RBM47: variants seen among roughly 807,000 people sequenced by gnomAD.
RBM47 encodes the protein RNA-binding protein 47.
In RBM47, 21 loss-of-function variants were observed where a neutral mutation model predicts 47.1. The ratio of observed to expected loss-of-function variants is 0.45; its 90% CI spans 0.32 to 0.64. RBM47 has a LOEUF of 0.64. Among genes scored for constraint, RBM47 ranks in the 30% least tolerant of loss-of-function variants. The pLI is 0.05. For synonymous variants in RBM47, 375 were observed against 361.7 expected (o/e 1.04, Z -0.42); for missense variants, 708 against 870.9 (o/e 0.81, Z 2.35).
chr4:40,558,972 T>C (rs1024237771), intron 1 of RBM47, among the ~76,000 whole-genome samples: 1 of 152,054 alleles, frequency 6.6e-6, no homozygotes, highest in Admixed American at 6.6e-5. Flanking sequence ...CCAGCCTGGG[T>C]GACAGAGTGA....
At chr4:40,448,171 G>C (rs1714840854) in intron 3 of RBM47, among the ~76,000 whole-genome samples, 2 of 152,168 alleles carry the variant, frequency 1.3e-5, no homozygotes, top group Non-Finnish European at 2.9e-5. Context: ...ACTCCAGCCT[G>C]GGTGACAGAG....
intron 2 of RBM47, among the ~76,000 whole-genome samples, chr4:40,508,617 A>G (rs1266826187): frequency 6.6e-6 from 1 of 152,240 alleles, no homozygotes; most frequent in African/African-American, 2.4e-5. Flanking sequence ...ATACTGTCTG[A>G]TTCCATCTTA....
rs555438448 is a variant in RBM47 at position 40,439,075 on chromosome 4, A to G, written c.-31-151T>C. Among the ~76,000 whole-genome samples the G allele has an allele frequency of 5.3e-5, 8 of 152,316 alleles. No individual in the cohort carries two copies. The East Asian group carries it at 1.5e-3, about 29-fold the overall frequency. ...TAGGATGGAGGCGTTCTGGAAATGC[A>G]GCAGCCCTACATTTGTCTAAAATAG... is the stretch of plus-strand genomic sequence containing the variant. On this transcript the variant is annotated intron_variant, in intron 3 of 6. Coordinates refer to ENST00000295971, the MANE Select transcript of RBM47 (RefSeq NM_001098634.2).
At chr4:40,624,008 C>T (rs1020449698) in intron 1 of RBM47, among the ~76,000 whole-genome samples, 2 of 152,094 alleles carry the variant, frequency 1.3e-5, no homozygotes, top group East Asian at 1.9e-4. Flanking sequence ...TGTACCACCA[C>T]GCCTGGCTAA....
At chr4:40,472,696 C>A (rs1017068664) in intron 2 of RBM47, among the ~76,000 whole-genome samples, 1 of 151,656 alleles carries the variant, frequency 6.6e-6, no homozygotes, top group African/African-American at 2.4e-5. Context: ...AGCATGAATT[C>A]TAGTAAGTGT....
At chr4:40,450,007 T>TA (rs371637794) in intron 3 of RBM47, among the ~76,000 whole-genome samples, 32 of 152,286 alleles carry the variant, frequency 2.1e-4, no homozygotes, top group Admixed American at 8.5e-4. Context: ...AAGCATTACT[T>TA]ACACTTTGTC....
intron 3 of RBM47, among the ~76,000 whole-genome samples, chr4:40,459,083 T>A (rs1716713683): frequency 6.6e-6 from 1 of 152,224 alleles, no homozygotes; most frequent in South Asian, 2.1e-4. Flanking sequence ...CGCCTTCTAT[T>A]ATGAAGTGAT....
chr4:40,569,110 T>C (rs577979603), intron 1 of RBM47, among the ~76,000 whole-genome samples: 2 of 152,002 alleles, frequency 1.3e-5, no homozygotes, highest in African/African-American at 2.4e-5. Context: ...AAATTATTTC[T>C]ACAAAAACAG....
Position 40,423,374 on chromosome 4 carries a change from C to A in RBM47, c.*2530G>T, listed in dbSNP as rs1467653086. Reference sequence around the variant, plus strand: ...TAAAAGCTTTTCAAATATAAAGCAGCTAAAGTTAACTAAACCACTAGCAAT... The same window carrying A: ...TAAAAGCTTTTCAAATATAAAGCAGATAAAGTTAACTAAACCACTAGCAAT... On this transcript the variant is annotated 3_prime_UTR_variant, in exon 7 of 7. Coordinates refer to ENST00000295971, the MANE Select transcript of RBM47 (RefSeq NM_001098634.2). 6.6e-6 allele frequency: 1 copy of A among 151,844 alleles called. No individual in the cohort carries two copies. The highest frequency in any genetic ancestry group is 2.4e-5 in the African/African-American group (1 of 41,330). The allele number at this position is 151,844 out of a possible 1,614,324, so 9.4% of individuals were successfully genotyped here. A position where few individuals can be genotyped will look rare whatever the true frequency, so the allele number is the denominator to read the frequency against.
intron 6 of RBM47, 24 bp downstream of exon 6, chr4:40,432,627 C>T: frequency 6.2e-7 from 1 of 1,610,036 alleles, no homozygotes; most frequent in Admixed American, 1.7e-5. Context: ...ACACAAATGA[C>T]AATGCCTGCA....
chr4:40,595,423 G>T (rs1030125709), intron 1 of RBM47, among the ~76,000 whole-genome samples: 1 of 152,114 alleles, frequency 6.6e-6, no homozygotes, highest in Non-Finnish European at 1.5e-5. Context: ...GAACCCGGGA[G>T]GTGGAGGTTG....
chr4:40,425,204 C>T lies in RBM47; in HGVS notation c.*700G>A, dbSNP rs1714859538. The T allele has an allele frequency of 6.6e-6, 1 of 152,650 alleles. No homozygotes were observed. The highest frequency in any genetic ancestry group is 2.4e-5 in the African/African-American group (1 of 41,456). The allele number at this position is 152,650 out of a possible 1,614,324, so 9.5% of individuals were successfully genotyped here. ...GAGAATGAGCCCCGGCTAACGGTGGCAAAGGAGAGCTTTCCAGTGTTTGGA... is the reference window on the plus strand; with the variant it reads ...GAGAATGAGCCCCGGCTAACGGTGGTAAAGGAGAGCTTTCCAGTGTTTGGA... On this transcript the variant is annotated 3_prime_UTR_variant, in exon 7 of 7. Transcript: ENST00000295971.
rs1243064666 is a variant in RBM47 at position 40,425,854 on chromosome 4, C to T, written c.*50G>A. 5 of 1,582,918 alleles carry T rather than the reference C, an allele frequency of 3.2e-6. No individual in the cohort carries two copies. The highest frequency in any genetic ancestry group is 2.3e-5 in the East Asian group (1 of 44,312). ...TGTTCCTTCTTCATAAATAGTCAAGCGTTCCTTCAGTGGTGTTTGTGTGGT... is the reference window on the plus strand; with the variant it reads ...TGTTCCTTCTTCATAAATAGTCAAGTGTTCCTTCAGTGGTGTTTGTGTGGT... On this transcript the variant is annotated 3_prime_UTR_variant, in exon 7 of 7. Transcript: ENST00000295971.
At chr4:40,471,016 T>C (rs1418096605) in intron 2 of RBM47, among the ~76,000 whole-genome samples, 1 of 152,142 alleles carries the variant, frequency 6.6e-6, no homozygotes, top group Non-Finnish European at 1.5e-5. Flanking sequence ...GTGCTGGGAT[T>C]ACAGGCGTGA....
chr4:40,600,999 A>AAAAAAAAAAAAAAAAAAAGAAAG (rs1338188731), intron 1 of RBM47, among the ~76,000 whole-genome samples: 2 of 147,284 alleles, frequency 1.4e-5, no homozygotes, highest in Admixed American at 6.7e-5. Flanking sequence ...AAAAAAAAAA[A>AAAAAAAAAAAAAAAAAAAGAAAG]AAAGAAAGAA....
In RBM47 at chr4:40,438,789, C is replaced by G. The variant is rs1713148226; in HGVS notation, c.105G>C (p.Leu35=). The stretch of plus-strand genomic sequence containing the variant: ...AGCCCGTGCGCTCCATCAGCGCCAG[C>G]AGTGCTGCCTCGTTGGGCGCGCCCG... ...GVAGAPNEAA[L]LALMERTGYS... is the part of the protein sequence containing the mutation. The change falls in exon 4 of 7, where the codon CTG becomes CTC. Residue 35 remains leucine (L), a synonymous_variant. Transcript: ENST00000295971. The G allele has an allele frequency of 1.3e-6, 2 of 1,556,270 alleles. No individual in the cohort carries two copies. The highest frequency in any genetic ancestry group is 1.4e-5 in the African/African-American group (1 of 73,948).
intron 5 of RBM47, 61 bp from the exon 6 acceptor site, chr4:40,432,923 G>A: frequency 6.4e-7 from 1 of 1,566,592 alleles, no homozygotes; most frequent in South Asian, 1.2e-5. Flanking sequence ...GTGGGGTCCA[G>A]CACTTGCTCT....
At chr4:40,480,900 T>A (rs966539908) in intron 2 of RBM47, among the ~76,000 whole-genome samples, 1 of 152,148 alleles carries the variant, frequency 6.6e-6, no homozygotes, top group Admixed American at 6.5e-5. Context: ...AGACACCTAT[T>A]ACCAAGTCAC....
At chr4:40,473,674 C>A (rs974017631) in intron 2 of RBM47, among the ~76,000 whole-genome samples, 3 of 152,150 alleles carry the variant, frequency 2.0e-5, no homozygotes, top group Admixed American at 6.5e-5. Flanking sequence ...ATCTGGTGTT[C>A]TGACTTGTTT....
Sources: allele counts gnomAD v4.1 joint callset (sites outside exome capture counted in the v4.1 genomes callset), GRCh38; gene constraint gnomAD v4.1.1; transcripts MANE v1.5; gene names NCBI Gene and HGNC (gene_info 2026-07-23, HGNC 2026-07-21).